The following GPS2 variants were observed in gnomAD, a reference collection of about 807,000 sequenced individuals.
The protein encoded by GPS2 is GPS-2.
Under a neutral mutation model 48.1 loss-of-function variants are expected in GPS2, and 22 were observed. The observed-to-expected ratio is 0.46, with a 90% CI of 0.33 to 0.65. The LOEUF is 0.65. GPS2 is among the 30% of genes least tolerant of loss of function. The probability of loss-of-function intolerance (pLI) is 0.03; values close to 1 mark genes in which losing one functional copy is unlikely to be tolerated. For synonymous variants in GPS2, 202 were observed against 142.5 expected, an observed-to-expected ratio of 1.42 and a Z score of -2.98; for missense variants, 366 against 406.8, an observed-to-expected ratio of 0.90 and a Z score of 0.86.
intron 2 of GPS2, 35 bp downstream of exon 2, chr17:7,314,924 G>A: frequency 6.4e-7 from 1 of 1,552,902 alleles, no homozygotes; most frequent in Non-Finnish European, 8.7e-7. Context: ...GAGCCATTCT[G>A]GGCCGTGCGT....
Position 7,312,697 on chromosome 17 carries a change from G to T in GPS2, c.*59C>A. 1 of 1,339,242 alleles carries T rather than the reference G, an allele frequency of 7.5e-7. No individual in the cohort carries two copies. The highest frequency in any genetic ancestry group is 1.1e-6 in the Non-Finnish European group (1 of 929,804). The allele number at this position is 1,339,242 out of a possible 1,614,324, so 83.0% of individuals were successfully genotyped here. A position where few individuals can be genotyped will look rare whatever the true frequency, so the allele number is the denominator to read the frequency against. On this transcript the variant is annotated 3_prime_UTR_variant, in exon 11 of 11. Coordinates refer to ENST00000380728, the MANE Select transcript of GPS2 (RefSeq NM_004489.5). ...AGATTTTATTGGCCTGGGACACACA[G>T]GGGATACCCTCACCCACGATGGGGT...
Position 7,313,482 on chromosome 17 carries a change from AAGAC to A in GPS2, c.635-17_635-14del, listed in dbSNP as rs770096094. The A allele has an allele frequency of 3.1e-6, 5 of 1,613,958 alleles. No homozygotes were observed. The highest frequency in any genetic ancestry group is 2.5e-6 in the Non-Finnish European group (3 of 1,179,944). On this transcript the variant is annotated splice_polypyrimidine_tract_variant and intron_variant, in intron 7 of 10. Coordinates refer to ENST00000380728, the MANE Select transcript of GPS2 (RefSeq NM_004489.5). ...AATGCCGAAGGAGCTGAGAAAGGAA[AAGAC>A]AGAGCCATTAAAATCTTTTACTGAA...
At chr17:7,314,642 A>C (rs757349251) in intron 2 of GPS2, 45 bp from the exon 3 acceptor site, 60 of 1,612,596 alleles carry the variant, frequency 3.7e-5, no homozygotes, top group Non-Finnish European at 4.7e-5. Context: ...TAGTGAAAAC[A>C]ATTCCAACGT....
rs574300589 is a variant in GPS2 at position 7,312,695 on chromosome 17, C to A, written c.*61G>T. On this transcript the variant is annotated 3_prime_UTR_variant, in exon 11 of 11. Transcript: ENST00000380728. ...GTAGATTTTATTGGCCTGGGACACACAGGGGATACCCTCACCCACGATGGG... is the reference window on the plus strand; with the variant it reads ...GTAGATTTTATTGGCCTGGGACACAAAGGGGATACCCTCACCCACGATGGG... The A allele has an allele frequency of 6.0e-6, 8 of 1,326,002 alleles. No individual in the cohort carries two copies. In the South Asian group the frequency reaches 8.2e-5, roughly 14 times the overall value. 82.1% of individuals were successfully genotyped at this position (1,326,002 alleles called of 1,614,324 possible). A position where few individuals can be genotyped will look rare whatever the true frequency, so the allele number is the denominator to read the frequency against.
chr17:7,315,187 CTCGCCGCCCCGG>C, intron 1 of GPS2, 68 bp from the exon 2 acceptor site: 1 of 465,618 alleles, frequency 2.1e-6, no homozygotes, highest in South Asian at 4.9e-5. Flanking sequence ...GCCCGGCCCG[CTCGCCGCCCCGG>C]TCACGTGTCC....
chr17:7,313,522 CCTT>C (rs1197460080), intron 7 of GPS2, 43 bp downstream of exon 7: 10 of 1,613,578 alleles, frequency 6.2e-6, no homozygotes, highest in East Asian at 2.2e-5. Flanking sequence ...TGGCATTCCT[CCTT>C]TGACCTTGAG....
In GPS2 at chr17:7,313,173, CAT is replaced by C. The variant is rs760595305; in HGVS notation, c.804+37_804+38del. 5.0e-6 allele frequency: 8 copies of C among 1,609,702 alleles called. No individual in the cohort carries two copies. In the East Asian group the frequency reaches 1.6e-4, roughly 31 times the overall value. Reference sequence around the variant, plus strand: ...TGAGGCATACTGAAGCTCCCCTTAACATATCCCTAACCCTGACCTCCCAAGGT... The same window carrying C: ...TGAGGCATACTGAAGCTCCCCTTAACATCCCTAACCCTGACCTCCCAAGGT... On this transcript the variant is annotated intron_variant, in intron 9 of 10. Transcript: ENST00000380728.
chr17:7,314,911 C>A, intron 2 of GPS2, 48 bp downstream of exon 2: 1 of 1,542,892 alleles, frequency 6.5e-7, no homozygotes, highest in Non-Finnish European at 8.8e-7. Context: ...CCTTGAGGTA[C>A]AGGAGCCATT....
At chr17:7,313,845 A>T (rs1597625667) in intron 6 of GPS2, 61 bp downstream of exon 6, 1 of 1,568,704 alleles carries the variant, frequency 6.4e-7, no homozygotes. Flanking sequence ...TGACTTGAAT[A>T]CTGGTGGCAA....
chr17:7,312,818 G>C lies in GPS2; in HGVS notation c.922C>G (p.Gln308Glu). The change falls in exon 11 of 11, where the codon CAA becomes GAA. Residue 308 changes from glutamine to glutamate, a missense_variant. Around this residue, in one of 3 missense-constraint regions of GPS2, gnomAD observed 275 missense variants for 282.3 expected, o/e 0.97. Transcript: ENST00000380728. The stretch of plus-strand genomic sequence containing the variant: ...ATGAAGGGGAGCCGAGGGCCAGGTT[G>C]GCTGGTAGCTGCAAAGCCCGACTGG... ...AGKSGFAATS[Q>E]PGPRLPFIQH... 6.2e-7 allele frequency: 1 copy of C among 1,614,016 alleles called. No homozygotes were observed. The highest frequency in any genetic ancestry group is 8.5e-7 in the Non-Finnish European group (1 of 1,179,958).
At position 7,313,825 on chromosome 17, in the gene GPS2, G is replaced by C. The variant is rs146538110; in HGVS notation, c.480+81C>G. 303 of 1,565,458 alleles carry C rather than the reference G, an allele frequency of 1.9e-4. 4 individuals carry two copies. In the East Asian group the frequency reaches 6.7e-3, roughly 34 times the overall value. On this transcript the variant is annotated intron_variant, in intron 6 of 10. Coordinates refer to ENST00000380728, the MANE Select transcript of GPS2 (RefSeq NM_004489.5). ...CGTTTCCCCCTAAACTTAAGTGCTT[G>C]ATATGTTTGTGACTTGAATACTGGT...
rs1322874349 is a variant in GPS2, at chr17:7,313,263, G to T, written c.753C>A (p.Ser251=). Residue 251 remains serine, a synonymous_variant, in exon 9 of 11, where the codon TCC becomes TCA. Coordinates refer to ENST00000380728, the MANE Select transcript of GPS2 (RefSeq NM_004489.5). ...TGFLQPGGAL[S]LQKQMEHANQ... is the part of the protein sequence containing the mutation. ...TAGCATGTTCCATCTGCTTTTGCAA[G>T]GACAGGGCACCACCAGGCTGGAGGA... 6.2e-7 allele frequency: 1 copy of T among 1,614,184 alleles called. No homozygotes were observed. Among genetic ancestry groups the T allele is most frequent in the East Asian group, 2.2e-5 (1 of 44,884 alleles).
intron 5 of GPS2, 22 bp downstream of exon 5, chr17:7,314,058 T>C: frequency 1.2e-6 from 2 of 1,612,306 alleles, no homozygotes; most frequent in Non-Finnish European, 1.7e-6. Context: ...CGGTTCCATC[T>C]GGTGGTTTCT....
Position 7,313,136 on chromosome 17 carries a change from A to C in GPS2, c.805-12T>G, listed in dbSNP as rs768093113. The C allele has an allele frequency of 6.2e-7, 1 of 1,608,160 alleles. No homozygotes were observed. Among genetic ancestry groups the C allele is most frequent in the African/African-American group, 1.3e-5 (1 of 74,802 alleles). ...GGGCGCAGAGAGGACTGCAGAGAACAGAGTCAGGGCCTGAGGCATACTGAA... is the reference window on the plus strand; with the variant it reads ...GGGCGCAGAGAGGACTGCAGAGAACCGAGTCAGGGCCTGAGGCATACTGAA... On this transcript the variant is annotated splice_polypyrimidine_tract_variant and intron_variant, in intron 9 of 10. Coordinates refer to ENST00000380728, the MANE Select transcript of GPS2 (RefSeq NM_004489.5).
chr17:7,314,202 T>G lies in GPS2; in HGVS notation c.318-43A>C, dbSNP rs1207826489. The G allele has an allele frequency of 9.4e-6, 15 of 1,596,140 alleles. No homozygotes were observed. The Admixed American group carries it at 2.5e-4, about 27-fold the overall frequency. The stretch of plus-strand genomic sequence containing the variant: ...CAGGTCAAAGTCAAGGACAGATGCC[T>G]TCTCTTTTGCCATTAAACACTGGTT... On this transcript the variant is annotated intron_variant, in intron 4 of 10. Coordinates refer to ENST00000380728, the MANE Select transcript of GPS2 (RefSeq NM_004489.5).
At chr17:7,313,490 G>C (rs1344701718) in intron 7 of GPS2, 21 bp from the exon 8 acceptor site, 4 of 1,613,626 alleles carry the variant, frequency 2.5e-6, no homozygotes, top group African/African-American at 1.3e-5. Flanking sequence ...AAAAGACAGA[G>C]CCATTAAAAT....
chr17:7,315,164 C>A (rs1296346976), intron 1 of GPS2, 45 bp from the exon 2 acceptor site: 1 of 667,640 alleles, frequency 1.5e-6, no homozygotes, highest in Non-Finnish European at 2.2e-6. Flanking sequence ...CCGGCCCAGG[C>A]GGAAGCCCGT....
intron 6 of GPS2, 51 bp from the exon 7 acceptor site, chr17:7,313,772 C>G (rs566844220): frequency 6.2e-7 from 1 of 1,603,100 alleles, no homozygotes; most frequent in South Asian, 1.1e-5. Context: ...AAGCTGAAAC[C>G]CAGTGACTTG....
rs2072910944 is a variant in GPS2, at chr17:7,314,476, G to A, written c.204+12C>T. ...AGAAATCAAAGCTGGGAAAGTTCAAGGGACTGCTTACTTGTTCCTTGGTCT... is the reference window on the plus strand; with the variant it reads ...AGAAATCAAAGCTGGGAAAGTTCAAAGGACTGCTTACTTGTTCCTTGGTCT... On this transcript the variant is annotated intron_variant, in intron 3 of 10. Transcript: ENST00000380728. 1 of 1,614,192 alleles carries A rather than the reference G, an allele frequency of 6.2e-7. No homozygotes were observed. The highest frequency in any genetic ancestry group is 8.5e-7 in the Non-Finnish European group (1 of 1,180,028).
Sources: allele counts gnomAD v4.1 joint callset, GRCh38; gene constraint gnomAD v4.1.1; regional missense constraint gnomAD v4.1.1; transcripts MANE v1.5; gene names NCBI Gene and HGNC (gene_info 2026-07-23, HGNC 2026-07-21).